NCOR1: variants seen among roughly 807,000 people sequenced by gnomAD.
The protein encoded by NCOR1 is nuclear receptor corepressor 1.
Under a neutral mutation model 288.1 loss-of-function variants are expected in NCOR1, and 63 were observed. The observed-to-expected ratio is 0.22, with a 90% CI of 0.18 to 0.27. The LOEUF (loss-of-function observed/expected upper bound fraction) is 0.27, where lower values mean the gene tolerates loss of function less well. Ranked by LOEUF, NCOR1 falls within the 10% of genes least tolerant of loss-of-function variation. The probability of loss-of-function intolerance (pLI) is 1.00; values close to 1 mark genes in which losing one functional copy is unlikely to be tolerated. For missense variants in NCOR1, 2,397 were observed against 3,019.2 expected (o/e 0.79, Z 4.83); for synonymous variants, 1,007 against 1,065.9 (o/e 0.94, Z 1.08).
chr17:16,155,822 T>C (rs1030626540), intron 6 of NCOR1, among the ~76,000 whole-genome samples: 5 of 152,128 alleles, frequency 3.3e-5, no homozygotes, highest in African/African-American at 9.6e-5. Flanking sequence ...CATTAAAAAA[T>C]GTTAAAAGAG....
chr17:16,174,359 T>C (rs971471265), intron 3 of NCOR1, among the ~76,000 whole-genome samples: 6 of 152,224 alleles, frequency 3.9e-5, no homozygotes, highest in Admixed American at 1.3e-4. Flanking sequence ...ACCCAAGTAA[T>C]GCCTTAGCTG....
Position 16,049,200 on chromosome 17 carries a change from C to T in NCOR1, c.6393-212G>A, listed in dbSNP as rs1055612775. The T allele has an allele frequency of 8.2e-6, 3 of 366,898 alleles. No individual in the cohort carries two copies. In the East Asian group the frequency reaches 1.4e-4, roughly 17 times the overall value. The allele number at this position is 366,898 out of a possible 1,614,324, so 22.7% of individuals were successfully genotyped here. On this transcript the variant is annotated intron_variant, in intron 40 of 45. Coordinates refer to ENST00000268712, the MANE Select transcript of NCOR1 (RefSeq NM_006311.4). ...AACCACTGTGTTACTGCCACTTGACCCATGCGCGCCCCGTGGATCCAGGAG... is the reference window on the plus strand; with the variant it reads ...AACCACTGTGTTACTGCCACTTGACTCATGCGCGCCCCGTGGATCCAGGAG...
chr17:16,048,953 G>C lies in NCOR1; in HGVS notation c.6428C>G (p.Ser2143Cys), dbSNP rs1371216466. Reference sequence around the variant, plus strand: ...GGAGATGGGCTCGTAGGGCTCCGAAGAGACGTGACTCCTCTCTGGGGATTT... The same window carrying C: ...GGAGATGGGCTCGTAGGGCTCCGAACAGACGTGACTCCTCTCTGGGGATTT... ...PGKSPERSHVSSEPYEPISPP... is the reference protein window; with the variant it reads ...PGKSPERSHVCSEPYEPISPP... Residue 2143 changes from serine to cysteine, a missense_variant, in exon 41 of 46, where the codon TCT (serine) becomes TGT (cysteine). Coordinates refer to ENST00000268712, the MANE Select transcript of NCOR1 (RefSeq NM_006311.4). The C allele has an allele frequency of 6.2e-7, 1 of 1,612,938 alleles. No individual in the cohort carries two copies. Among genetic ancestry groups the C allele is most frequent in the Non-Finnish European group, 8.5e-7 (1 of 1,179,248 alleles).
intron 14 of NCOR1, among the ~76,000 whole-genome samples, chr17:16,128,018 G>A (rs1471397626): frequency 1.3e-5 from 2 of 151,852 alleles, no homozygotes; most frequent in Non-Finnish European, 2.9e-5. Flanking sequence ...GACCTCAAGT[G>A]ATTCTCCCAC....
intron 20 of NCOR1, 53 bp from the exon 21 acceptor site, chr17:16,098,549 CAT>C: frequency 6.7e-7 from 1 of 1,500,022 alleles, no homozygotes; most frequent in East Asian, 2.4e-5. Context: ...AAGACTCAAA[CAT>C]ATAATCACTA....
intron 5 of NCOR1, among the ~76,000 whole-genome samples, chr17:16,161,905 T>C (rs1047834768): frequency 2.6e-5 from 4 of 152,186 alleles, no homozygotes; most frequent in Non-Finnish European, 5.9e-5. Context: ...ATATTCATTA[T>C]CTCAATTCAT....
rs919748139 is a variant in NCOR1 at position 16,070,229 on chromosome 17, C to G, written c.4449G>C (p.Arg1483Ser). The G allele has an allele frequency of 3.1e-6, 5 of 1,613,664 alleles. No homozygotes were observed. Among genetic ancestry groups the G allele is most frequent in the Non-Finnish European group, 3.4e-6 (4 of 1,179,998 alleles). The change falls in exon 31 of 46, where the codon AGG (arginine) becomes AGC (serine). Residue 1483 changes from arginine (R) to serine (S), a missense_variant. Transcript: ENST00000268712. ...PGIYDDTSAR[R>S]TPVSYQNTMS... ...TGGTGTTTTGATAACTCACAGGGGT[C>G]CTCCGTGCACTGGTGTCATCATAAA... is the stretch of plus-strand genomic sequence containing the variant.
chr17:16,039,996 G>C (rs2057252189), intron 43 of NCOR1: 2 of 388,954 alleles, frequency 5.1e-6, no homozygotes, highest in Non-Finnish European at 4.9e-6. Flanking sequence ...CACCATATTG[G>C]TCAGGCTGAT....
chr17:16,033,866 C>G (rs558687253), intron 45 of NCOR1, among the ~76,000 whole-genome samples: 1 of 151,840 alleles, frequency 6.6e-6, no homozygotes, highest in Admixed American at 6.6e-5. Context: ...AGTGCAGTGG[C>G]GCAATCTCAG....
intron 22 of NCOR1, among the ~76,000 whole-genome samples, chr17:16,089,732 C>T (rs1234994176): frequency 1.3e-5 from 2 of 151,954 alleles, no homozygotes; most frequent in Non-Finnish European, 2.9e-5. Flanking sequence ...AAATTTAAAC[C>T]ATTTTTGTCA....
At position 16,070,250 on chromosome 17, in the gene NCOR1, A is replaced by G. The variant is rs2061597838; in HGVS notation, c.4428T>C (p.Tyr1476=). The stretch of plus-strand genomic sequence containing the variant: ...GGGTCCTCCGTGCACTGGTGTCATC[A>G]TAAATCCCAGGGCTCAGTTGTGCTT... ...APKAQLSPGI[Y]DDTSARRTPV... Residue 1476 remains tyrosine, a synonymous_variant, in exon 31 of 46, where the codon TAT becomes TAC. Transcript: ENST00000268712. 2 of 1,614,108 alleles carry G rather than the reference A, an allele frequency of 1.2e-6. No homozygotes were observed. Among genetic ancestry groups the G allele is most frequent in the Non-Finnish European group, 1.7e-6 (2 of 1,180,028 alleles).
At chr17:16,080,192 G>A (rs1287689248) in intron 25 of NCOR1, 128 bp from the exon 26 acceptor site, 2 of 832,974 alleles carry the variant, frequency 2.4e-6, no homozygotes, top group Non-Finnish European at 3.7e-6. Flanking sequence ...AACCCATCAT[G>A]TTTGTTTTAT....
At chr17:16,118,790 T>C (rs1271355432) in intron 17 of NCOR1, among the ~76,000 whole-genome samples, 1 of 152,250 alleles carries the variant, frequency 6.6e-6, no homozygotes, top group Admixed American at 6.5e-5. Context: ...TTATTTATCC[T>C]ATTAGAAATT....
chr17:16,044,200 A>G (rs1480080117), intron 42 of NCOR1, among the ~76,000 whole-genome samples: 1 of 151,916 alleles, frequency 6.6e-6, no homozygotes, highest in African/African-American at 2.4e-5. Context: ...AAAGAAAGAA[A>G]GGCTATCTGT....
At chr17:16,042,908 G>T (rs182909420) in intron 42 of NCOR1, among the ~76,000 whole-genome samples, 2 of 152,260 alleles carry the variant, frequency 1.3e-5, no homozygotes, top group East Asian at 3.9e-4. Flanking sequence ...TACAAATTTG[G>T]GAGTTTTCAG....
chr17:16,169,160 A>G (rs1296697606), intron 4 of NCOR1, among the ~76,000 whole-genome samples: 1 of 152,194 alleles, frequency 6.6e-6, no homozygotes, highest in South Asian at 2.1e-4. Flanking sequence ...ATTTAAGCAA[A>G]AGTAAGTTAA....
Position 16,119,416 on chromosome 17 carries a change from A to C in NCOR1, c.1915+7T>G, listed in dbSNP as rs1390913731. 2.5e-6 allele frequency: 4 copies of C among 1,603,454 alleles called. No individual in the cohort carries two copies. The highest frequency in any genetic ancestry group is 1.7e-4 in the Middle Eastern group (1 of 6,032). On this transcript the variant is annotated splice_region_variant and intron_variant, in intron 17 of 45. Coordinates refer to ENST00000268712, the MANE Select transcript of NCOR1 (RefSeq NM_006311.4). Reference sequence around the variant, plus strand: ...AAACCTGAGAAACCAGAACTACTACAATTTACCTTTTTTAGCAACTTCCAT... The same window carrying C: ...AAACCTGAGAAACCAGAACTACTACCATTTACCTTTTTTAGCAACTTCCAT...
At chr17:16,064,739 T>TA (rs2060932431) in intron 34 of NCOR1, 131 bp downstream of exon 34, 1 of 820,834 alleles carries the variant, frequency 1.2e-6, no homozygotes, top group Non-Finnish European at 1.8e-6. Flanking sequence ...ACATAAGAAC[T>TA]ACTATTAAAT....
intron 4 of NCOR1, among the ~76,000 whole-genome samples, chr17:16,171,246 G>C (rs562780132): frequency 6.6e-6 from 1 of 152,130 alleles, no homozygotes; most frequent in African/African-American, 2.4e-5. Context: ...AATAAAACTG[G>C]GGGAGGGTCG....
Sources: allele counts gnomAD v4.1 joint callset (sites outside exome capture counted in the v4.1 genomes callset), GRCh38; gene constraint gnomAD v4.1.1; transcripts MANE v1.5; gene names NCBI Gene and HGNC (gene_info 2026-07-23, HGNC 2026-07-21).